Variants in ANTXR1 observed in about 807,000 individuals in gnomAD.
ANTXR1 encodes the protein ANTXR cell adhesion molecule 1.
In ANTXR1, 19 loss-of-function variants were observed where a neutral mutation model predicts 78.1. The ratio of observed to expected loss-of-function variants is 0.24; its 90% CI spans 0.17 to 0.36. The LOEUF is 0.36. Ranked by LOEUF, ANTXR1 falls within the 10% of genes least tolerant of loss-of-function variation. The probability of loss-of-function intolerance (pLI) is 1.00; values close to 1 mark genes in which losing one functional copy is unlikely to be tolerated. For synonymous variants in ANTXR1, 273 were observed against 260.5 expected (o/e 1.05, Z -0.46); for missense variants, 518 against 718.6 (o/e 0.72, Z 3.19).
intron 12 of ANTXR1, among the ~76,000 whole-genome samples, chr2:69,128,421 A>G (rs1476627441): frequency 1.3e-5 from 2 of 152,226 alleles, no homozygotes; most frequent in African/African-American, 4.8e-5. Context: ...TAATGAAAAA[A>G]GTTTTAACTA....
intron 13 of ANTXR1, among the ~76,000 whole-genome samples, chr2:69,156,682 C>T (rs1156719153): frequency 6.6e-6 from 1 of 152,190 alleles, no homozygotes; most frequent in Non-Finnish European, 1.5e-5. Context: ...AAGAGAAGAA[C>T]GAGGTGGGAG....
chr2:69,225,310 C>T (rs1053089003), intron 17 of ANTXR1, among the ~76,000 whole-genome samples: 1 of 152,010 alleles, frequency 6.6e-6, no homozygotes, highest in African/African-American at 2.4e-5. Flanking sequence ...CAGGGGATCC[C>T]TAATGTTGAA....
chr2:69,074,754 G>GA (rs764327025), intron 6 of ANTXR1, among the ~76,000 whole-genome samples: 3 of 152,130 alleles, frequency 2.0e-5, no homozygotes, highest in Non-Finnish European at 4.4e-5. Flanking sequence ...CTAAGAAAGG[G>GA]AAAAAATAAC....
intron 10 of ANTXR1, among the ~76,000 whole-genome samples, chr2:69,120,567 C>T (rs933149662): frequency 6.6e-5 from 10 of 152,028 alleles, no homozygotes; most frequent in Non-Finnish European, 1.3e-4. Flanking sequence ...ACTTGGGAGG[C>T]TAAGGCAGGA....
chr2:69,182,917 A>G (rs13411004), intron 16 of ANTXR1: 284 of 516,366 alleles, frequency 5.5e-4, no homozygotes, highest in African/African-American at 4.6e-3. Context: ...CTGGAACAAT[A>G]TAGAGAAGAT....
chr2:69,237,539 G>A (rs1389345755), intron 17 of ANTXR1, among the ~76,000 whole-genome samples: 1 of 152,190 alleles, frequency 6.6e-6, no homozygotes, highest in Admixed American at 6.5e-5. Flanking sequence ...GCATCCTTCT[G>A]CCTCAGCCTC....
intron 9 of ANTXR1, among the ~76,000 whole-genome samples, chr2:69,093,183 A>G (rs1019069405): frequency 6.6e-6 from 1 of 152,222 alleles, no homozygotes; most frequent in South Asian, 2.1e-4. Flanking sequence ...TAGGTGGCCA[A>G]TAAATGTTGA....
intron 1 of ANTXR1, among the ~76,000 whole-genome samples, chr2:69,037,877 T>C (rs534212829): frequency 3.7e-4 from 56 of 152,130 alleles, no homozygotes; most frequent in Non-Finnish European, 6.3e-4. Flanking sequence ...GGGGTGCTTT[T>C]GACAGGAGGG....
At chr2:69,232,158 C>T (rs1675613603) in intron 17 of ANTXR1, among the ~76,000 whole-genome samples, 1 of 152,124 alleles carries the variant, frequency 6.6e-6, no homozygotes, top group South Asian at 2.1e-4. Context: ...AATAAACTCA[C>T]AACCACCCTT....
chr2:69,039,997 G>C, intron 1 of ANTXR1, 47 bp from the exon 2 acceptor site: 1 of 1,500,834 alleles, frequency 6.7e-7, no homozygotes. Context: ...ACAAGGTAAA[G>C]ACAAGTAAAC....
chr2:69,180,411 G>A lies in ANTXR1; in HGVS notation c.1090-1375G>A, dbSNP rs10207859. On this transcript the variant is annotated intron_variant, in intron 14 of 17. Coordinates refer to ENST00000303714, the MANE Select transcript of ANTXR1 (RefSeq NM_032208.3). ...TGCCACTTCCTTATAATCCATCCAT[G>A]ACTATAAATGGTGATATTTTTCTCC... 6.1e-3 allele frequency among the ~76,000 whole-genome samples: 932 copies of A among 152,246 alleles called. 9 individuals carry two copies. Among genetic ancestry groups the A allele is most frequent in the African/African-American group, 0.021 (886 of 41,526 alleles).
At chr2:69,124,948 G>A (rs935958678) in intron 12 of ANTXR1, among the ~76,000 whole-genome samples, 12 of 152,176 alleles carry the variant, frequency 7.9e-5, no homozygotes, top group Non-Finnish European at 1.5e-4. Context: ...TAATGAGGGT[G>A]GAGTCCCAGA....
intron 13 of ANTXR1, among the ~76,000 whole-genome samples, chr2:69,166,705 C>A (rs1192325723): frequency 6.6e-6 from 1 of 152,056 alleles, no homozygotes; most frequent in East Asian, 1.9e-4. Context: ...CTTCTTTGTC[C>A]CTCCTAATGA....
At chr2:69,086,900 T>C (rs1285284133) in intron 8 of ANTXR1, among the ~76,000 whole-genome samples, 1 of 152,246 alleles carries the variant, frequency 6.6e-6, no homozygotes, top group Non-Finnish European at 1.5e-5. Flanking sequence ...GTTCTGTCTA[T>C]AAGACAAAAA....
chr2:69,165,357 G>A (rs1224729478), intron 13 of ANTXR1, among the ~76,000 whole-genome samples: 4 of 152,214 alleles, frequency 2.6e-5, no homozygotes, highest in Non-Finnish European at 5.9e-5. Flanking sequence ...TTCAGCTCAT[G>A]CAAAAAGGAC....
intron 13 of ANTXR1, among the ~76,000 whole-genome samples, chr2:69,152,608 CACACACAT>C (rs773312322): frequency 4.6e-5 from 7 of 152,308 alleles, no homozygotes; most frequent in South Asian, 2.1e-4. Context: ...GTGTACGGTA[CACACACAT>C]ACACACATAC....
At chr2:69,226,159 G>A (rs973231979) in intron 17 of ANTXR1, among the ~76,000 whole-genome samples, 6 of 152,158 alleles carry the variant, frequency 3.9e-5, no homozygotes, top group East Asian at 1.9e-4. Context: ...GCCAAACCAC[G>A]AGCACCCCCA....
intron 10 of ANTXR1, among the ~76,000 whole-genome samples, chr2:69,119,634 A>C (rs910248820): frequency 9.2e-5 from 14 of 152,148 alleles, no homozygotes; most frequent in Admixed American, 1.3e-4. Flanking sequence ...CTCAGCCTCC[A>C]TTTTGCATCT....
Position 69,103,543 on chromosome 2 carries a change from A to T in ANTXR1, c.802+603A>T, listed in dbSNP as rs115618499. 8.8e-3 allele frequency: 1,429 copies of T among 162,530 alleles called. 29 individuals carry two copies. Among genetic ancestry groups the T allele is most frequent in the African/African-American group, 0.032 (1,336 of 41,698 alleles). The allele number at this position is 162,530 out of a possible 1,614,324, so 10.1% of individuals were successfully genotyped here. On this transcript the variant is annotated intron_variant, in intron 10 of 17. Transcript: ENST00000303714. ...AATATCTTACATGAAATACAGGAAT[A>T]TGGAGTAAAACTAAGTGCATTTCAT...
Sources: allele counts gnomAD v4.1 joint callset (sites outside exome capture counted in the v4.1 genomes callset), GRCh38; gene constraint gnomAD v4.1.1; transcripts MANE v1.5; gene names NCBI Gene and HGNC (gene_info 2026-07-23, HGNC 2026-07-21).